NSMCE2: variants seen among roughly 807,000 people sequenced by gnomAD.
The protein encoded by NSMCE2 is NSE2 SUMO ligase component of SMC5/6 complex.
A neutral mutation model predicts 23.8 loss-of-function variants in NSMCE2; 24 were observed. The observed-to-expected ratio is 1.01, with a 90% CI of 0.73 to 1.42. The LOEUF is 1.42. NSMCE2 is among the 40% of genes most tolerant of loss of function. The pLI is 0.00. For synonymous variants in NSMCE2, 92 were observed against 94.1 expected (o/e 0.98, Z 0.13); for missense variants, 284 against 296.5 (o/e 0.96, Z 0.31).
At chr8:125,107,185 ATTC>A (rs1818505335) in intron 3 of NSMCE2, among the ~76,000 whole-genome samples, 1 of 124,590 alleles carries the variant, frequency 8.0e-6, no homozygotes, top group South Asian at 2.5e-4. Context: ...TATCAAGGAC[ATTC>A]TTTTTTTTTT....
At chr8:125,333,502 G>GTTTTTTTTTTT (rs1308950464) in intron 5 of NSMCE2, among the ~76,000 whole-genome samples, 10 of 65,808 alleles carry the variant, frequency 1.5e-4, no homozygotes, top group East Asian at 4.4e-4. Flanking sequence ...TTTCCTGGTG[G>GTTTTTTTTTTT]TTCTTTTTTT....
chr8:125,263,234 T>C lies in NSMCE2; in HGVS notation c.418+80978T>C, dbSNP rs1444842891. On this transcript the variant is annotated intron_variant, in intron 5 of 7. Coordinates refer to ENST00000287437, the MANE Select transcript of NSMCE2 (RefSeq NM_173685.4). ...ACTTGGATTTGAAAATTCAAAGCGA[T>C]TGAATATAAATCATTACCTAATTGC... Among the ~76,000 whole-genome samples the C allele has an allele frequency of 2.6e-5, 4 of 152,152 alleles. No homozygotes were observed. In the South Asian group the frequency reaches 6.2e-4, roughly 24 times the overall value.
intron 5 of NSMCE2, among the ~76,000 whole-genome samples, chr8:125,301,553 C>G (rs1308895436): frequency 6.6e-6 from 1 of 152,034 alleles, no homozygotes; most frequent in South Asian, 2.1e-4. Context: ...TAGGAGACAG[C>G]GTCCCAGTTC....
At chr8:125,139,296 A>G (rs1341974128) in intron 3 of NSMCE2, among the ~76,000 whole-genome samples, 1 of 152,252 alleles carries the variant, frequency 6.6e-6, no homozygotes, top group South Asian at 2.1e-4. Flanking sequence ...TGGTCTGCTC[A>G]GTAAATATTT....
chr8:125,263,467 G>C (rs1200255514), intron 5 of NSMCE2, among the ~76,000 whole-genome samples: 2 of 152,140 alleles, frequency 1.3e-5, no homozygotes, highest in African/African-American at 2.4e-5. Flanking sequence ...AGAAGTAAGA[G>C]GGCTGGGCGT....
intron 3 of NSMCE2, among the ~76,000 whole-genome samples, chr8:125,108,047 A>T (rs1818552266): frequency 6.6e-6 from 1 of 152,230 alleles, no homozygotes; most frequent in Admixed American, 6.5e-5. Flanking sequence ...AAAAAAATAA[A>T]AAAAATTATG....
intron 5 of NSMCE2, among the ~76,000 whole-genome samples, chr8:125,333,159 C>CT (rs34480931): frequency 6.7e-5 from 10 of 149,204 alleles, no homozygotes; most frequent in East Asian, 3.9e-4. Context: ...ATCTAGATTT[C>CT]TTTTTTTTTT....
chr8:125,260,704 A>G (rs1232475876), intron 5 of NSMCE2, among the ~76,000 whole-genome samples: 5 of 151,554 alleles, frequency 3.3e-5, no homozygotes, highest in Admixed American at 6.6e-5. Flanking sequence ...AGCTCACTGC[A>G]ACCTCCACCT....
intron 5 of NSMCE2, among the ~76,000 whole-genome samples, chr8:125,234,012 TAAAAAAAAA>T (rs34763403): frequency 1.7e-4 from 17 of 102,190 alleles, no homozygotes; most frequent in Admixed American, 1.4e-3. Flanking sequence ...CTGTCTCTAC[TAAAAAAAAA>T]AAAAAAAAAA....
intron 7 of NSMCE2, among the ~76,000 whole-genome samples, chr8:125,358,702 C>T (rs759582937): frequency 5.3e-5 from 8 of 152,116 alleles, no homozygotes; most frequent in Non-Finnish European, 8.8e-5. Flanking sequence ...CAATTGACTT[C>T]TGATAACAGT....
chr8:125,163,244 T>G (rs946241371), intron 4 of NSMCE2, among the ~76,000 whole-genome samples: 9 of 152,108 alleles, frequency 5.9e-5, no homozygotes, highest in African/African-American at 1.7e-4. Context: ...AATTCAAAAA[T>G]TTATACTTTC....
chr8:125,163,674 A>AC (rs527362190), intron 4 of NSMCE2, among the ~76,000 whole-genome samples: 137 of 152,324 alleles, frequency 9.0e-4, no homozygotes, highest in African/African-American at 3.3e-3. Flanking sequence ...TCATCTGACA[A>AC]CCCATATCTG....
chr8:125,135,289 G>A (rs915861501), intron 3 of NSMCE2, among the ~76,000 whole-genome samples: 3 of 151,986 alleles, frequency 2.0e-5, no homozygotes, highest in Admixed American at 6.6e-5. Flanking sequence ...GGCCTTAGGT[G>A]ATCCTCCCAC....
At chr8:125,093,594 ACACCTGTAATC>A (rs1416807256) in intron 1 of NSMCE2, among the ~76,000 whole-genome samples, 11 of 152,114 alleles carry the variant, frequency 7.2e-5, no homozygotes, top group Non-Finnish European at 1.5e-4. Flanking sequence ...GTCCTGGCAC[ACACCTGTAATC>A]CCAGCTACTC....
chr8:125,274,328 A>G (rs1827351268), intron 5 of NSMCE2, among the ~76,000 whole-genome samples: 1 of 152,232 alleles, frequency 6.6e-6, no homozygotes, highest in South Asian at 2.1e-4. Flanking sequence ...ATTTTTTAAA[A>G]TCCAATCAAT....
intron 5 of NSMCE2, among the ~76,000 whole-genome samples, chr8:125,185,836 C>A (rs1053306299): frequency 7.2e-5 from 11 of 152,096 alleles, no homozygotes; most frequent in African/African-American, 2.7e-4. Flanking sequence ...ACATTTTTGT[C>A]AATCTCTTCA....
intron 5 of NSMCE2, among the ~76,000 whole-genome samples, chr8:125,288,125 G>A (rs534752896): frequency 6.6e-5 from 10 of 152,208 alleles, no homozygotes; most frequent in Admixed American, 4.6e-4. Flanking sequence ...CATACTGGCC[G>A]ATGTTTTAGG....
intron 3 of NSMCE2, among the ~76,000 whole-genome samples, chr8:125,109,086 T>C (rs2130411886): frequency 6.6e-6 from 1 of 152,296 alleles, no homozygotes; most frequent in African/African-American, 2.4e-5. Flanking sequence ...GACTAAGGTA[T>C]TGTAACTAAG....
intron 5 of NSMCE2, among the ~76,000 whole-genome samples, chr8:125,240,089 G>A (rs1825709134): frequency 6.6e-6 from 1 of 151,754 alleles, no homozygotes; most frequent in Non-Finnish European, 1.5e-5. Flanking sequence ...CCTGAAGTTG[G>A]GCAGCATTAG....
Sources: gnomAD v4.1 joint callset for allele counts (sites outside exome capture counted in the v4.1 genomes callset) on GRCh38, gnomAD v4.1.1 for gene constraint, MANE v1.5 for transcripts, NCBI Gene and HGNC (gene_info 2026-07-23, HGNC 2026-07-21) for gene names.